The following TMEM74 variants were observed in gnomAD, a reference collection of about 807,000 sequenced individuals.
The protein encoded by TMEM74 is transmembrane protein 74.
A neutral mutation model predicts 18.1 loss-of-function variants in TMEM74; 13 were observed. The observed-to-expected ratio is 0.72, with a 90% CI of 0.47 to 1.14. The LOEUF is 1.14. TMEM74 is among the 50% of genes most tolerant of loss of function. The pLI is 0.00. For synonymous variants in TMEM74, 159 were observed against 146.6 expected (o/e 1.08, Z -0.61); for missense variants, 372 against 375.9 (o/e 0.99, Z 0.09).
intron 1 of TMEM74, among the ~76,000 whole-genome samples, chr8:108,692,509 C>T (rs748556711): frequency 2.0e-5 from 3 of 152,122 alleles, no homozygotes; most frequent in East Asian, 1.9e-4. Flanking sequence ...TGATCTTATA[C>T]AGGCCCACAT....
chr8:108,700,373 T>C (rs1037912786), intron 1 of TMEM74, among the ~76,000 whole-genome samples: 2 of 152,212 alleles, frequency 1.3e-5, no homozygotes, highest in Non-Finnish European at 2.9e-5. Context: ...TTTTGGGATG[T>C]ATTTTCTTTC....
intron 1 of TMEM74, among the ~76,000 whole-genome samples, chr8:108,674,829 TA>T (rs1813037960): frequency 6.6e-6 from 1 of 152,198 alleles, no homozygotes. Context: ...TGTGAGTTAA[TA>T]CACGCAGCTC....
chr8:108,730,535 T>A (rs1813682832), intron 1 of TMEM74, among the ~76,000 whole-genome samples: 1 of 152,218 alleles, frequency 6.6e-6, no homozygotes, highest in African/African-American at 2.4e-5. Context: ...TTCTTTTATA[T>A]GGTTAATTAA....
intron 1 of TMEM74, among the ~76,000 whole-genome samples, chr8:108,704,716 T>C (rs550955373): frequency 6.6e-6 from 1 of 152,306 alleles, no homozygotes; most frequent in African/African-American, 2.4e-5. Context: ...GGCAGCAGCA[T>C]GGCAAAAGCC....
intron 1 of TMEM74, among the ~76,000 whole-genome samples, chr8:108,752,905 A>G (rs527474849): frequency 6.6e-6 from 1 of 152,212 alleles, no homozygotes; most frequent in African/African-American, 2.4e-5. Context: ...CTTACAATGA[A>G]AATCCTATAA....
intron 1 of TMEM74, among the ~76,000 whole-genome samples, chr8:108,672,463 G>A (rs1813013246): frequency 6.6e-6 from 1 of 152,172 alleles, no homozygotes; most frequent in Non-Finnish European, 1.5e-5. Context: ...CACAGTCTCA[G>A]TATCTTTCTT....
intron 1 of TMEM74, among the ~76,000 whole-genome samples, chr8:108,730,942 T>C (rs975571739): frequency 1.3e-5 from 2 of 152,178 alleles, no homozygotes; most frequent in African/African-American, 4.8e-5. Flanking sequence ...CATGTGTTCT[T>C]ATAAAGTTCT....
At chr8:108,728,799 A>G (rs776128196) in intron 1 of TMEM74, among the ~76,000 whole-genome samples, 6 of 152,210 alleles carry the variant, frequency 3.9e-5, no homozygotes, top group Non-Finnish European at 8.8e-5. Flanking sequence ...AGTCTCTTAT[A>G]CATACAGACT....
intron 2 of TMEM74, among the ~76,000 whole-genome samples, chr8:108,621,262 C>A (rs1238991056): frequency 6.6e-6 from 1 of 152,146 alleles, no homozygotes; most frequent in Non-Finnish European, 1.5e-5. Flanking sequence ...TCACTAGACT[C>A]AATTCCACCG....
intron 1 of TMEM74, among the ~76,000 whole-genome samples, chr8:108,753,766 T>G (rs1236601370): frequency 6.6e-6 from 1 of 152,102 alleles, no homozygotes; most frequent in African/African-American, 2.4e-5. Context: ...TAAATTGATA[T>G]GTGAGTTTAT....
Position 108,686,727 on chromosome 8 carries a change from C to A in TMEM74, n.120-31290G>T, listed in dbSNP as rs558404374. Among the ~76,000 whole-genome samples the A allele has an allele frequency of 2.0e-4, 30 of 151,958 alleles. No homozygotes were observed. In the East Asian group the frequency reaches 3.3e-3, roughly 17 times the overall value. Reference sequence around the variant, plus strand: ...CACCTTGGCCCTAGACCAAACTCATCCTCTTATACAACATACTGGAAGTTC... The same window carrying A: ...CACCTTGGCCCTAGACCAAACTCATACTCTTATACAACATACTGGAAGTTC... On this transcript the variant is annotated intron_variant and non_coding_transcript_variant, in intron 1 of 3. Transcript: ENST00000518838.
At chr8:108,633,915 A>C (rs1034946006) in intron 2 of TMEM74, among the ~76,000 whole-genome samples, 1 of 152,038 alleles carries the variant, frequency 6.6e-6, no homozygotes, top group African/African-American at 2.4e-5. Context: ...GGATAGGGCA[A>C]ATGTTTGGTA....
chr8:108,691,726 G>A (rs1813233273), intron 1 of TMEM74, among the ~76,000 whole-genome samples: 1 of 122,096 alleles, frequency 8.2e-6, no homozygotes, highest in South Asian at 3.0e-4. Flanking sequence ...AGGTTAGGAG[G>A]AAATATAGAC....
chr8:108,616,888 T>C (rs955509662), intron 2 of TMEM74, among the ~76,000 whole-genome samples: 10 of 151,988 alleles, frequency 6.6e-5, no homozygotes, highest in African/African-American at 2.4e-4. Context: ...TAAATAAAGA[T>C]ACCTGGAGTT....
intron 1 of TMEM74, among the ~76,000 whole-genome samples, chr8:108,708,627 A>AT (rs1813441894): frequency 6.6e-6 from 1 of 151,976 alleles, no homozygotes; most frequent in Non-Finnish European, 1.5e-5. Flanking sequence ...AATGTTTAGC[A>AT]TTTTTTCATA....
At chr8:108,714,274 A>G (rs1391200) in intron 1 of TMEM74, among the ~76,000 whole-genome samples, 55,693 of 152,044 alleles carry the variant, frequency 0.37, 10,678 homozygotes, top group East Asian at 0.6. Flanking sequence ...GATATTCTAG[A>G]GGAGGACAAT....
chr8:108,683,476 G>A (rs539199129), intron 1 of TMEM74, among the ~76,000 whole-genome samples: 37 of 151,450 alleles, frequency 2.4e-4, no homozygotes, highest in Admixed American at 4.6e-4. Context: ...TGTAGCATTC[G>A]GAAATTTATT....
rs57444896 is a variant in TMEM74 at position 108,756,548 on chromosome 8, AAAAGAAAGAAAGAAAGAAAG to A, written n.119+30908_119+30927del. Among the ~76,000 whole-genome samples the A allele has an allele frequency of 5.6e-3, 253 of 44,948 alleles. 5 individuals are homozygous for A. The highest frequency in any genetic ancestry group is 0.022 in the African/African-American group (185 of 8,394). 29.5% of individuals were successfully genotyped at this position (44,948 alleles called of 152,430 possible). A position where few individuals can be genotyped will look rare whatever the true frequency, so the allele number is the denominator to read the frequency against. ...AGGAACAGAGCAAACCACTGTAAAG[AAAAGAAAGAAAGAAAGAAAG>A]AAAGAAAGAAAGAAAGAAAGAAAGA... On this transcript the variant is annotated intron_variant and non_coding_transcript_variant, in intron 1 of 3. Coordinates refer to the TMEM74 transcript ENST00000518838.
chr8:108,619,324 A>G (rs1461175331), intron 2 of TMEM74, among the ~76,000 whole-genome samples: 1 of 152,226 alleles, frequency 6.6e-6, no homozygotes, highest in African/African-American at 2.4e-5. Context: ...AAGTTCAGTT[A>G]CTGAAAGTTG....
Sources: allele counts gnomAD v4.1 joint callset (sites outside exome capture counted in the v4.1 genomes callset), GRCh38; gene constraint gnomAD v4.1.1; transcripts MANE v1.5; gene names NCBI Gene and HGNC (gene_info 2026-07-23, HGNC 2026-07-21).